Variants in TASP1 observed in about 807,000 individuals in gnomAD.
TASP1 encodes the protein taspase 1.
A neutral mutation model predicts 56.6 loss-of-function variants in TASP1; 16 were observed. That is an observed-to-expected ratio of 0.28 (90% CI 0.19 to 0.43). The LOEUF (loss-of-function observed/expected upper bound fraction) is 0.43. Among genes scored for constraint, TASP1 ranks in the 20% least tolerant of loss-of-function variants. TASP1 has a pLI of 1.00. For missense variants in TASP1, 393 were observed against 511.6 expected, an observed-to-expected ratio of 0.77 and a Z score of 2.24; for synonymous variants, 179 against 184.2, an observed-to-expected ratio of 0.97 and a Z score of 0.23.
chr20:13,313,658 C>T, the TASP1 span, among the ~76,000 whole-genome samples: 2 of 152,272 alleles, frequency 1.3e-5, no homozygotes, highest in East Asian at 3.9e-4. Flanking sequence ...TTTAACACAC[C>T]TTACCACATC....
At chr20:13,437,705 TACACCAATA>T (rs1261232198) in intron 11 of TASP1, among the ~76,000 whole-genome samples, 1 of 152,182 alleles carries the variant, frequency 6.6e-6, no homozygotes, top group African/African-American at 2.4e-5. Context: ...AGCATTCTTA[TACACCAATA>T]ACAGACAAAC....
chr20:13,613,441 T>G (rs2147456092), intron 4 of TASP1, among the ~76,000 whole-genome samples: 1 of 152,210 alleles, frequency 6.6e-6, no homozygotes, highest in African/African-American at 2.4e-5. Flanking sequence ...TAGCAGAGGG[T>G]GATCTGCCAT....
At chr20:13,227,633 C>T in the TASP1 span, among the ~76,000 whole-genome samples, 48 of 151,806 alleles carry the variant, frequency 3.2e-4, no homozygotes, top group African/African-American at 8.5e-4. Context: ...TTCAGCCTCC[C>T]GGGTAGCTGG....
chr20:13,542,039 C>T (rs2045642104), intron 8 of TASP1, among the ~76,000 whole-genome samples: 2 of 141,522 alleles, frequency 1.4e-5, no homozygotes, highest in Non-Finnish European at 3.0e-5. Flanking sequence ...AGCAAGACTC[C>T]GTCTCCAAAA....
chr20:13,543,645 C>T (rs1015685289), intron 8 of TASP1, among the ~76,000 whole-genome samples: 6 of 152,046 alleles, frequency 3.9e-5, no homozygotes, highest in African/African-American at 1.2e-4. Context: ...AACAGGAGGC[C>T]CTTGCGCCTT....
chr20:13,491,710 T>C (rs1326118185), intron 10 of TASP1, among the ~76,000 whole-genome samples: 1 of 152,184 alleles, frequency 6.6e-6, no homozygotes, highest in Non-Finnish European at 1.5e-5. Context: ...TAGAGAAACA[T>C]CAAAATTTAC....
At chr20:13,349,131 G>T in the TASP1 span, among the ~76,000 whole-genome samples, 1 of 152,100 alleles carries the variant, frequency 6.6e-6, no homozygotes, top group Admixed American at 6.5e-5. Flanking sequence ...GGTTCCTGGG[G>T]CCTTTTGAGG....
At chr20:13,451,148 T>C (rs1382839389) in intron 11 of TASP1, among the ~76,000 whole-genome samples, 1 of 152,112 alleles carries the variant, frequency 6.6e-6, no homozygotes, top group African/African-American at 2.4e-5. Context: ...TTCAGTAAAC[T>C]GTGCTGTAAA....
intron 10 of TASP1, among the ~76,000 whole-genome samples, chr20:13,526,576 T>A (rs543487958): frequency 3.3e-5 from 5 of 152,278 alleles, no homozygotes; most frequent in African/African-American, 1.2e-4. Flanking sequence ...CTAAAAACAA[T>A]TTTTTGACAA....
intron 11 of TASP1, among the ~76,000 whole-genome samples, chr20:13,475,799 G>A (rs1405694563): frequency 3.9e-5 from 6 of 152,138 alleles, no homozygotes; most frequent in African/African-American, 1.4e-4. Flanking sequence ...GGGAGGCTGA[G>A]GCAGGAGAAT....
At chr20:13,197,382 C>G in the TASP1 span, among the ~76,000 whole-genome samples, 1 of 152,168 alleles carries the variant, frequency 6.6e-6, no homozygotes, top group East Asian at 1.9e-4. Context: ...AGGCAAGAGT[C>G]ATTACAGCAA....
intron 6 of TASP1, among the ~76,000 whole-genome samples, chr20:13,576,350 A>AAGAAAGGAAGAAAGG (rs1568603001): frequency 1.1e-5 from 1 of 94,814 alleles, no homozygotes; most frequent in African/African-American, 4.7e-5. Context: ...AGGAAGAAAG[A>AAGAAAGGAAGAAAGG]AAGAAAGAAA....
At chr20:13,417,671 T>C (rs541486356) in intron 12 of TASP1, 150 bp from the exon 13 acceptor site, 200 of 807,100 alleles carry the variant, frequency 2.5e-4, no homozygotes, top group Non-Finnish European at 3.7e-4. Flanking sequence ...TCAAGATGAT[T>C]TATCACTAAA....
At chr20:13,106,451 T>C in the TASP1 span, among the ~76,000 whole-genome samples, 2 of 152,110 alleles carry the variant, frequency 1.3e-5, no homozygotes, top group Admixed American at 1.3e-4. Context: ...TTCTGTATTA[T>C]TGACGAGAAG....
rs950231933 is a variant in TASP1, at chr20:13,630,134, T to C, written c.-56A>G. 1.3e-5 allele frequency: 20 copies of C among 1,568,070 alleles called. No individual in the cohort carries two copies. In the Middle Eastern group the frequency reaches 6.8e-4, roughly 53 times the overall value. Reference sequence around the variant, plus strand: ...GGGGCATACTTCCATCCAAAAGTAATTGCAGGAGAGGAATTACCCTAAAGG... The same window carrying C: ...GGGGCATACTTCCATCCAAAAGTAACTGCAGGAGAGGAATTACCCTAAAGG... On this transcript the variant is annotated 5_prime_UTR_variant, in exon 2 of 14. Transcript: ENST00000337743.
the TASP1 span, chr20:13,110,086 A>AT: frequency 0.022 from 24,129 of 1,118,992 alleles, 95 homozygotes; most frequent in African/African-American, 0.061. Flanking sequence ...TCATGACTCA[A>AT]TTTTTTTTTT....
chr20:13,331,857 C>G, the TASP1 span, among the ~76,000 whole-genome samples: 1 of 152,088 alleles, frequency 6.6e-6, no homozygotes, highest in African/African-American at 2.4e-5. Flanking sequence ...GCTCACCATG[C>G]AATATTCTGT....
At chr20:13,112,279 G>A in the TASP1 span, among the ~76,000 whole-genome samples, 3 of 152,150 alleles carry the variant, frequency 2.0e-5, no homozygotes, top group African/African-American at 4.8e-5. Context: ...TCTGGCCCTC[G>A]GTACTGGCTC....
chr20:13,497,705 T>C (rs1241101960), intron 10 of TASP1, among the ~76,000 whole-genome samples: 1 of 152,138 alleles, frequency 6.6e-6, no homozygotes, highest in Non-Finnish European at 1.5e-5. Context: ...AGAAGAAAGC[T>C]GGAGGCATCA....
Sources: gnomAD v4.1 joint callset for allele counts (sites outside exome capture counted in the v4.1 genomes callset) on GRCh38, gnomAD v4.1.1 for gene constraint, MANE v1.5 for transcripts, NCBI Gene and HGNC (gene_info 2026-07-23, HGNC 2026-07-21) for gene names.